Variants in UBR1 observed in about 807,000 individuals in gnomAD.
The protein encoded by UBR1 is ubiquitin protein ligase E3 component n-recognin 1, also known as E3 ubiquitin-protein ligase UBR1.
UBR1 carries 102 observed loss-of-function variants against 242.1 expected under a neutral mutation model. The observed-to-expected ratio is 0.42, with a 90% CI of 0.36 to 0.50. UBR1 has a LOEUF of 0.50. UBR1 is among the 20% of genes least tolerant of loss of function. The pLI, the probability that UBR1 is intolerant of heterozygous loss-of-function variation, is 0.01. For synonymous variants in UBR1, 675 were observed against 684.8 expected, an observed-to-expected ratio of 0.99 and a Z score of 0.22; for missense variants, 1,772 against 2,101.8, an observed-to-expected ratio of 0.84 and a Z score of 3.07.
rs757635600 is a variant in UBR1, at chr15:42,966,225, G to T, written c.4519C>A (p.Pro1507Thr). Residue 1507 changes from proline to threonine, a missense_variant, in exon 41 of 47, where the codon CCT becomes ACT. Physicochemically the swap from Pro to Thr is conservative, Grantham distance 38. Around this residue, in one of 3 missense-constraint regions of UBR1, gnomAD observed 965 missense variants for 1,079.7 expected, o/e 0.89. Coordinates refer to ENST00000290650, the MANE Select transcript of UBR1 (RefSeq NM_174916.3). Reference sequence around the variant, plus strand: ...AACAATGCAGCACAGCGAAGATAAGGGGTGATGCCATTCTTCAGTGAGACC... The same window carrying T: ...AACAATGCAGCACAGCGAAGATAAGTGGTGATGCCATTCTTCAGTGAGACC... ...LWVSLKNGIT[P>T]YLRCAALFFH... 1.2e-6 allele frequency: 2 copies of T among 1,613,986 alleles called. No homozygotes were observed. The highest frequency in any genetic ancestry group is 2.7e-5 in the African/African-American group (2 of 74,898).
In UBR1 at chr15:43,014,019, T is replaced by C. The variant is rs544752232; in HGVS notation, c.3209+1669A>G. On this transcript the variant is annotated intron_variant, in intron 29 of 46. Transcript: ENST00000290650. ...GCCTCAGCCTGCAGAGTGCCTGCGATTGCAGGTGCACGCTGCCACGCCTGA... is the reference window on the plus strand; with the variant it reads ...GCCTCAGCCTGCAGAGTGCCTGCGACTGCAGGTGCACGCTGCCACGCCTGA... Among the ~76,000 whole-genome samples the C allele has an allele frequency of 1.8e-4, 27 of 152,352 alleles. No individual in the cohort carries two copies. In the South Asian group the frequency reaches 5.2e-3, roughly 29 times the overall value.
intron 1 of UBR1, among the ~76,000 whole-genome samples, chr15:43,087,796 G>A (rs951229550): frequency 1.3e-5 from 2 of 152,000 alleles, no homozygotes; most frequent in African/African-American, 4.8e-5. Flanking sequence ...GGAAACAACC[G>A]AAATGTCCCA....
intron 26 of UBR1, 49 bp from the exon 27 acceptor site, chr15:43,021,424 T>C (rs1210808216): frequency 6.4e-7 from 1 of 1,572,592 alleles, no homozygotes; most frequent in Non-Finnish European, 8.7e-7. Flanking sequence ...AAGTCATCTC[T>C]TGGTATCCTC....
chr15:42,960,867 T>G (rs1412901229), intron 42 of UBR1, among the ~76,000 whole-genome samples, 166 bp from the exon 43 acceptor site: 1 of 151,772 alleles, frequency 6.6e-6, no homozygotes, highest in Non-Finnish European at 1.5e-5. Context: ...CCTCCTAGGT[T>G]CAAGCAATTC....
intron 43 of UBR1, among the ~76,000 whole-genome samples, chr15:42,959,233 GT>G (rs566812548): frequency 2.6e-5 from 4 of 151,752 alleles, no homozygotes; most frequent in African/African-American, 9.7e-5. Flanking sequence ...TTTTTGGTTT[GT>G]TTTTTTAGAG....
At chr15:42,984,594 G>A (rs1368516223) in intron 36 of UBR1, among the ~76,000 whole-genome samples, 2 of 152,220 alleles carry the variant, frequency 1.3e-5, no homozygotes, top group South Asian at 2.1e-4. Flanking sequence ...TAGTGAGAAG[G>A]AAAAATATAG....
At chr15:42,960,360 G>C (rs2031994586) in intron 43 of UBR1, among the ~76,000 whole-genome samples, 1 of 152,168 alleles carries the variant, frequency 6.6e-6, no homozygotes, top group African/African-American at 2.4e-5. Flanking sequence ...GCAGCTCCAT[G>C]ATGCCTCCTC....
At chr15:42,947,038 C>A (rs1359767845) in intron 46 of UBR1, among the ~76,000 whole-genome samples, 4 of 152,072 alleles carry the variant, frequency 2.6e-5, no homozygotes, top group Non-Finnish European at 5.9e-5. Context: ...GTAGTCCCAG[C>A]TACTTGGGAG....
At chr15:43,079,450 T>C (rs2033947463) in intron 3 of UBR1, among the ~76,000 whole-genome samples, 2 of 152,144 alleles carry the variant, frequency 1.3e-5, no homozygotes, top group Non-Finnish European at 2.9e-5. Flanking sequence ...AACTCCAAAA[T>C]ATATCCTAGT....
chr15:43,072,425 G>A (rs1359652921), intron 4 of UBR1, among the ~76,000 whole-genome samples: 1 of 152,170 alleles, frequency 6.6e-6, no homozygotes, highest in Admixed American at 6.5e-5. Context: ...TTTTATGGTT[G>A]TAACTGATAA....
intron 9 of UBR1, 28 bp from the exon 10 acceptor site, chr15:43,058,457 G>T: frequency 6.4e-7 from 1 of 1,550,394 alleles, no homozygotes; most frequent in Non-Finnish European, 8.9e-7. Context: ...GAGGGTGGGG[G>T]AATGAGGAGA....
chr15:43,104,065 T>A (rs180949328), intron 1 of UBR1, among the ~76,000 whole-genome samples: 1 of 152,184 alleles, frequency 6.6e-6, no homozygotes, highest in East Asian at 1.9e-4. Flanking sequence ...TTAAAATTAT[T>A]TGGGCCCTTA....
At chr15:42,992,945 G>C (rs77798684) in intron 33 of UBR1, among the ~76,000 whole-genome samples, 133 of 152,340 alleles carry the variant, frequency 8.7e-4, no homozygotes, top group African/African-American at 3.0e-3. Context: ...CCTCACCACA[G>C]AGACTGGTTT....
intron 1 of UBR1, among the ~76,000 whole-genome samples, chr15:43,091,675 T>TA (rs1372811095): frequency 2.0e-5 from 3 of 152,016 alleles, no homozygotes; most frequent in African/African-American, 7.3e-5. Flanking sequence ...ATGGTGGCTG[T>TA]AATCCCAGTA....
chr15:43,086,947 T>C (rs1481351878), intron 1 of UBR1, among the ~76,000 whole-genome samples: 1 of 152,158 alleles, frequency 6.6e-6, no homozygotes, highest in African/African-American at 2.4e-5. Flanking sequence ...TTCAAGGCTG[T>C]AGCGTGTGCC....
chr15:43,013,009 G>A (rs1016998971), intron 29 of UBR1, among the ~76,000 whole-genome samples: 2 of 152,138 alleles, frequency 1.3e-5, no homozygotes, highest in African/African-American at 4.8e-5. Flanking sequence ...AAGTTCAGGT[G>A]ATTCTCGTGC....
intron 11 of UBR1, among the ~76,000 whole-genome samples, chr15:43,056,066 CAAT>C (rs1257260725): frequency 6.6e-6 from 1 of 152,186 alleles, no homozygotes; most frequent in Non-Finnish European, 1.5e-5. Context: ...TGCCTACAAA[CAAT>C]AACTTAAAAA....
intron 27 of UBR1, among the ~76,000 whole-genome samples, chr15:43,018,429 G>A (rs538601088): frequency 6.6e-6 from 1 of 152,120 alleles, no homozygotes; most frequent in Non-Finnish European, 1.5e-5. Flanking sequence ...TCAGTCTGTC[G>A]TCCAGGCTGG....
intron 13 of UBR1, 119 bp downstream of exon 13, chr15:43,048,273 G>A: frequency 1.4e-6 from 1 of 732,544 alleles, no homozygotes; most frequent in East Asian, 2.7e-5. Flanking sequence ...TTTAAATCTT[G>A]TTTCTACTTT....
Sources: allele counts gnomAD v4.1 joint callset (sites outside exome capture counted in the v4.1 genomes callset), GRCh38; gene constraint gnomAD v4.1.1; regional missense constraint gnomAD v4.1.1; transcripts MANE v1.5; gene names NCBI Gene and HGNC (gene_info 2026-07-23, HGNC 2026-07-21).